EIF2AK2: variants seen among roughly 807,000 people sequenced by gnomAD.
EIF2AK2 encodes eukaryotic translation initiation factor 2 alpha kinase 2, also known as interferon-induced, double-stranded RNA-activated protein kinase.
In EIF2AK2, 40 loss-of-function variants were observed where a neutral mutation model predicts 70.5. The ratio of observed to expected loss-of-function variants is 0.57; its 90% CI spans 0.44 to 0.74. EIF2AK2 has a LOEUF of 0.74. EIF2AK2 is among the 30% of genes least tolerant of loss of function. The probability of loss-of-function intolerance (pLI) is 0.00; values close to 1 mark genes in which losing one functional copy is unlikely to be tolerated. For synonymous variants in EIF2AK2, 198 were observed against 220.9 expected (o/e 0.90, Z 0.92); for missense variants, 555 against 644.3 (o/e 0.86, Z 1.50).
Position 37,126,390 on chromosome 2 carries a change from T to G in EIF2AK2, c.807A>C (p.Glu269Asp). The change falls in exon 11 of 17, where the codon GAA becomes GAC. Residue 269 changes from glutamate (E) to aspartate (D), a missense_variant. By Grantham distance (45) the Glu-to-Asp change is conservative. Transcript: ENST00000233057. ...VDKRFGMDFK[E>D]IELIGSGGFG... ...ATCCACCTGAGCCAATTAATTCTATTTCTTTAAAATCCATGCCAAACCTTA... is the reference window on the plus strand; with the variant it reads ...ATCCACCTGAGCCAATTAATTCTATGTCTTTAAAATCCATGCCAAACCTTA... 6.2e-7 allele frequency: 1 copy of G among 1,609,340 alleles called. No homozygotes were observed. The highest frequency in any genetic ancestry group is 8.5e-7 in the Non-Finnish European group (1 of 1,178,664).
At chr2:37,153,819 A>G (rs1675829118) in intron 1 of EIF2AK2, among the ~76,000 whole-genome samples, 1 of 152,058 alleles carries the variant, frequency 6.6e-6, no homozygotes, top group South Asian at 2.1e-4. Flanking sequence ...TTAAGTCCCT[A>G]CTTCTGAATA....
rs532074612 is a variant in EIF2AK2, at chr2:37,101,490, A to T, written c.*5783T>A. 1 of 152,364 alleles carries T rather than the reference A, an allele frequency of 6.6e-6. No homozygotes were observed. The highest frequency in any genetic ancestry group is 1.9e-4 in the East Asian group (1 of 5,188). 9.4% of individuals were successfully genotyped at this position (152,364 alleles called of 1,614,324 possible). On this transcript the variant is annotated 3_prime_UTR_variant, in exon 17 of 17. Transcript: ENST00000233057. Reference sequence around the variant, plus strand: ...CACCAGAACTCATTGATCAATATTAAAATCACTGAAAGTGGAACAATCAGA... The same window carrying T: ...CACCAGAACTCATTGATCAATATTATAATCACTGAAAGTGGAACAATCAGA...
At chr2:37,139,209 G>C (rs1312537938) in intron 6 of EIF2AK2, among the ~76,000 whole-genome samples, 2 of 151,502 alleles carry the variant, frequency 1.3e-5, no homozygotes, top group African/African-American at 4.9e-5. Flanking sequence ...CAGCTACTCA[G>C]TAGGCTGAGG....
intron 10 of EIF2AK2, among the ~76,000 whole-genome samples, chr2:37,130,968 C>T (rs1237754473): frequency 6.6e-6 from 1 of 152,196 alleles, no homozygotes; most frequent in Non-Finnish European, 1.5e-5. Context: ...TTAATCATAA[C>T]TCCAAATACC....
In EIF2AK2 at chr2:37,127,945, T is replaced by A. The variant is rs369192278; in HGVS notation, c.786-1534A>T. 4.0e-4 allele frequency among the ~76,000 whole-genome samples: 61 copies of A among 152,306 alleles called. 1 individual carries two copies. The East Asian group carries it at 0.011, about 28-fold the overall frequency. On this transcript the variant is annotated intron_variant, in intron 10 of 16. Transcript: ENST00000233057. ...TTAGTACAGATGGGGTTTCACCATG[T>A]TGGCCAGGCTGGTCTCGAACTCCTG...
At chr2:37,109,145 G>GGTA (rs1233145862) in intron 15 of EIF2AK2, 49 bp downstream of exon 15, 1 of 1,550,062 alleles carries the variant, frequency 6.5e-7, no homozygotes, top group African/African-American at 1.4e-5. Flanking sequence ...CTCTGAAGGT[G>GGTA]GTAGTCAGTA....
At chr2:37,108,648 C>T (rs935669438) in intron 15 of EIF2AK2, among the ~76,000 whole-genome samples, 3 of 152,190 alleles carry the variant, frequency 2.0e-5, no homozygotes, top group African/African-American at 4.8e-5. Context: ...TGGCTCACTG[C>T]AACCTCCGCC....
rs1313426224 is a variant in EIF2AK2, at chr2:37,106,283, C to T, written c.*990G>A. The T allele has an allele frequency of 6.6e-6, 1 of 152,152 alleles. No individual in the cohort carries two copies. The highest frequency in any genetic ancestry group is 1.5e-5 in the Non-Finnish European group (1 of 68,030). 9.4% of individuals were successfully genotyped at this position (152,152 alleles called of 1,614,324 possible). ...CTGAAAACCTGCTTTGTTCGCTTAACATTATGTTTCTGAGAGTTGTATTGT... is the reference window on the plus strand; with the variant it reads ...CTGAAAACCTGCTTTGTTCGCTTAATATTATGTTTCTGAGAGTTGTATTGT... On this transcript the variant is annotated 3_prime_UTR_variant, in exon 17 of 17. Transcript: ENST00000233057.
chr2:37,123,547 C>A (rs765980430), intron 11 of EIF2AK2, among the ~76,000 whole-genome samples: 15 of 152,184 alleles, frequency 9.9e-5, no homozygotes, highest in Admixed American at 2.6e-4. Flanking sequence ...GGATTGCAAG[C>A]ATGAGCCAAT....
At chr2:37,116,141 T>C (rs1323190506) in intron 13 of EIF2AK2, among the ~76,000 whole-genome samples, 2 of 152,144 alleles carry the variant, frequency 1.3e-5, no homozygotes, top group Non-Finnish European at 2.9e-5. Context: ...TCAAGCAATC[T>C]GCTCACCTCA....
chr2:37,148,588 C>A, intron 2 of EIF2AK2: 1 of 815,774 alleles, frequency 1.2e-6, no homozygotes, highest in Non-Finnish European at 2.2e-6. Context: ...ATAAAACCTA[C>A]TATACTTGTC....
chr2:37,110,855 C>T (rs1362240625), intron 14 of EIF2AK2, among the ~76,000 whole-genome samples: 2 of 152,198 alleles, frequency 1.3e-5, no homozygotes, highest in African/African-American at 4.8e-5. Flanking sequence ...GCTGTACACC[C>T]ATGTTCATCA....
intron 10 of EIF2AK2, among the ~76,000 whole-genome samples, chr2:37,134,648 G>A (rs1168441917): frequency 6.6e-6 from 1 of 152,112 alleles, no homozygotes; most frequent in African/African-American, 2.4e-5. Context: ...GTGTCTCCTT[G>A]ACCTCCTCCT....
At position 37,103,691 on chromosome 2, in the gene EIF2AK2, T is replaced by G. The variant is rs906219727; in HGVS notation, c.*3582A>C. The G allele has an allele frequency of 2.0e-4, 31 of 152,372 alleles. No homozygotes were observed. The highest frequency in any genetic ancestry group is 7.0e-4 in the African/African-American group (29 of 41,592). The allele number at this position is 152,372 out of a possible 1,614,324, so 9.4% of individuals were successfully genotyped here. ...CAAAGAATAATACAACAAACACCTG[T>G]GTACTGTCATCTAGATTTACCAATT... On this transcript the variant is annotated 3_prime_UTR_variant, in exon 17 of 17. Coordinates refer to ENST00000233057, the MANE Select transcript of EIF2AK2 (RefSeq NM_001135651.3).
At chr2:37,123,484 T>C (rs750311895) in intron 11 of EIF2AK2, among the ~76,000 whole-genome samples, 2 of 152,090 alleles carry the variant, frequency 1.3e-5, no homozygotes, top group Admixed American at 6.6e-5. Flanking sequence ...CCCATGCTGG[T>C]CTCAAACTCC....
intron 1 of EIF2AK2, among the ~76,000 whole-genome samples, chr2:37,151,804 C>A (rs1235743919): frequency 1.3e-5 from 2 of 152,236 alleles, no homozygotes; most frequent in African/African-American, 4.8e-5. Flanking sequence ...ATAGGCCAGG[C>A]GCCGTGGCTC....
chr2:37,151,091 G>C (rs896928404), intron 1 of EIF2AK2, among the ~76,000 whole-genome samples: 9 of 152,118 alleles, frequency 5.9e-5, no homozygotes, highest in African/African-American at 1.2e-4. Flanking sequence ...AGAAAACAGA[G>C]ATAAATTGGG....
intron 12 of EIF2AK2, among the ~76,000 whole-genome samples, chr2:37,121,348 T>C (rs1674544019): frequency 6.7e-6 from 1 of 149,622 alleles, no homozygotes; most frequent in African/African-American, 2.5e-5. Flanking sequence ...TCACCATTGC[T>C]AACAGATAGA....
chr2:37,114,958 A>T, intron 13 of EIF2AK2, 99 bp from the exon 14 acceptor site: 1 of 841,092 alleles, frequency 1.2e-6, no homozygotes, highest in Non-Finnish European at 1.6e-6. Context: ...TATTATTTAT[A>T]AGACCTTTAC....
Sources: allele counts gnomAD v4.1 joint callset (sites outside exome capture counted in the v4.1 genomes callset), GRCh38; gene constraint gnomAD v4.1.1; transcripts MANE v1.5; gene names NCBI Gene and HGNC (gene_info 2026-07-23, HGNC 2026-07-21).